RBFOX1: variants seen among roughly 807,000 people sequenced by gnomAD.
RBFOX1 encodes the protein RNA binding protein fox-1 homolog 1.
RBFOX1 carries 8 observed loss-of-function variants against 57.7 expected under a neutral mutation model. The ratio of observed to expected loss-of-function variants is 0.14; its 90% confidence interval spans 0.08 to 0.25. The LOEUF (loss-of-function observed/expected upper bound fraction) is 0.25, where lower values mean the gene tolerates loss of function less well. Among genes scored for constraint, RBFOX1 ranks in the 10% least tolerant of loss-of-function variants. The pLI is 1.00. For synonymous variants in RBFOX1, 326 were observed against 222.4 expected (o/e 1.47, Z -4.15); for missense variants, 611 against 548.5 (o/e 1.11, Z -1.14).
chr16:6,855,485 A>G (rs1192680406), intron 3 of RBFOX1, among the ~76,000 whole-genome samples: 2 of 151,932 alleles, frequency 1.3e-5, no homozygotes, highest in Non-Finnish European at 2.9e-5. Context: ...CCCCGTCTCT[A>G]CTAAAAATAC....
intron 3 of RBFOX1, among the ~76,000 whole-genome samples, chr16:6,967,691 T>C (rs1037763661): frequency 2.0e-5 from 3 of 152,104 alleles, no homozygotes; most frequent in African/African-American, 7.2e-5. Flanking sequence ...GTTCAAGACA[T>C]TGAACACGGT....
chr16:7,074,512 G>A (rs945748339), intron 4 of RBFOX1, among the ~76,000 whole-genome samples: 2 of 152,132 alleles, frequency 1.3e-5, no homozygotes, highest in East Asian at 1.9e-4. Context: ...AGACAGTGAA[G>A]AATAGAACTA....
chr16:7,538,401 A>C (rs2082059122), intron 5 of RBFOX1, among the ~76,000 whole-genome samples: 1 of 152,096 alleles, frequency 6.6e-6, no homozygotes, highest in Non-Finnish European at 1.5e-5. Flanking sequence ...ACCTCAACTT[A>C]CTGTTGAGGA....
chr16:7,649,855 G>C (rs1463083963), intron 11 of RBFOX1, among the ~76,000 whole-genome samples: 4 of 152,126 alleles, frequency 2.6e-5, no homozygotes, highest in Non-Finnish European at 5.9e-5. Context: ...ACATGAACCA[G>C]GGGAGGAACA....
At chr16:7,599,644 TTTTTTTC>T (rs1555651398) in intron 9 of RBFOX1, among the ~76,000 whole-genome samples, 3 of 35,166 alleles carry the variant, frequency 8.5e-5, no homozygotes, top group African/African-American at 1.4e-4. Flanking sequence ...AAGACTTTTT[TTTTTTTC>T]TTTTTTTTTT....
At chr16:6,511,065 A>T (rs2096246526) in intron 2 of RBFOX1, among the ~76,000 whole-genome samples, 1 of 152,200 alleles carries the variant, frequency 6.6e-6, no homozygotes. Flanking sequence ...GCAAGCATCC[A>T]GGACCATTGA....
chr16:5,705,744 T>C (rs2051221250), intron 3 of RBFOX1, among the ~76,000 whole-genome samples: 2 of 152,182 alleles, frequency 1.3e-5, no homozygotes, highest in South Asian at 4.1e-4. Context: ...GGTGGGCTTT[T>C]AGGGATAACA....
At chr16:6,009,606 C>T (rs2880658) in intron 4 of RBFOX1, among the ~76,000 whole-genome samples, 35,817 of 151,938 alleles carry the variant, frequency 0.24, 6,431 homozygotes, top group African/African-American at 0.5. Context: ...TTTCTGAGAG[C>T]TTGAGAGCAC....
intron 1 of RBFOX1, among the ~76,000 whole-genome samples, chr16:5,424,640 C>G (rs565986643): frequency 1.5e-4 from 22 of 151,546 alleles, no homozygotes; most frequent in African/African-American, 5.3e-4. Flanking sequence ...ATGTATCTAA[C>G]AAACCTGCAC....
intron 1 of RBFOX1, among the ~76,000 whole-genome samples, chr16:6,242,377 T>TA (rs2097544236): frequency 6.6e-6 from 1 of 152,100 alleles, no homozygotes; most frequent in Non-Finnish European, 1.5e-5. Context: ...TTTCTTTTTT[T>TA]TAAAAAAAGT....
chr16:6,987,213 A>T (rs1430391574), intron 3 of RBFOX1, among the ~76,000 whole-genome samples: 1 of 152,160 alleles, frequency 6.6e-6, no homozygotes, highest in Non-Finnish European at 1.5e-5. Context: ...CCATAATAAC[A>T]AGAATGAAAA....
chr16:7,681,956 C>T (rs754665322), intron 14 of RBFOX1, among the ~76,000 whole-genome samples: 8 of 152,028 alleles, frequency 5.3e-5, no homozygotes, highest in Admixed American at 2.0e-4. Flanking sequence ...ATTCTAGTGC[C>T]GTATTGAAAG....
chr16:7,001,609 A>G (rs1469161977), intron 3 of RBFOX1, among the ~76,000 whole-genome samples: 1 of 152,022 alleles, frequency 6.6e-6, no homozygotes, highest in Non-Finnish European at 1.5e-5. Flanking sequence ...GGCACGTGCC[A>G]TCACACCCTG....
At chr16:6,491,416 C>G (rs1417535132) in intron 2 of RBFOX1, among the ~76,000 whole-genome samples, 2 of 152,070 alleles carry the variant, frequency 1.3e-5, no homozygotes, top group African/African-American at 4.8e-5. Context: ...AATTTCTGCC[C>G]AGTCTTGATT....
intron 4 of RBFOX1, among the ~76,000 whole-genome samples, chr16:7,065,675 C>T (rs937539791): frequency 4.6e-5 from 7 of 152,098 alleles, no homozygotes; most frequent in African/African-American, 7.2e-5. Context: ...TTAAAATTTA[C>T]GCTCTCAGCA....
intron 4 of RBFOX1, among the ~76,000 whole-genome samples, chr16:7,206,100 G>A (rs1030972144): frequency 6.6e-6 from 1 of 152,166 alleles, no homozygotes; most frequent in Non-Finnish European, 1.5e-5. Flanking sequence ...CAGGTTTAGG[G>A]AAGTGCTTAC....
At chr16:6,973,015 C>T (rs1284620403) in intron 3 of RBFOX1, among the ~76,000 whole-genome samples, 8 of 152,048 alleles carry the variant, frequency 5.3e-5, no homozygotes, top group Non-Finnish European at 8.8e-5. Context: ...CCTGTAATCC[C>T]AGCTACTTGG....
intron 3 of RBFOX1, among the ~76,000 whole-genome samples, chr16:6,780,015 A>G (rs868692992): frequency 3.6e-5 from 1 of 28,054 alleles, no homozygotes; most frequent in Non-Finnish European, 5.4e-5. Context: ...ATTTATATAT[A>G]TTTATATATT....
At chr16:5,785,630 T>C (rs533555878) in intron 3 of RBFOX1, among the ~76,000 whole-genome samples, 114 of 152,136 alleles carry the variant, frequency 7.5e-4, no homozygotes, top group African/African-American at 2.7e-3. Flanking sequence ...TGGGTTCAAG[T>C]GATTCTCCTG....
Sources: gnomAD v4.1 joint callset for allele counts (sites outside exome capture counted in the v4.1 genomes callset) on GRCh38, gnomAD v4.1.1 for gene constraint, MANE v1.5 for transcripts, NCBI Gene and HGNC (gene_info 2026-07-23, HGNC 2026-07-21) for gene names.